Variants in SYN3 observed in about 807,000 individuals in gnomAD.
SYN3 encodes the protein synapsin III, also known as synapsin-3.
SYN3 carries 35 observed loss-of-function variants against 65.8 expected under a neutral mutation model. That is an observed-to-expected ratio of 0.53 (90% CI 0.41 to 0.70). SYN3 has a LOEUF of 0.70. Among genes scored for constraint, SYN3 ranks in the 30% least tolerant of loss-of-function variants. SYN3 has a pLI of 0.00. For missense variants in SYN3, 680 were observed against 749.0 expected (o/e 0.91, Z 1.08); for synonymous variants, 270 against 292.9 (o/e 0.92, Z 0.80).
At chr22:32,524,037 G>A (rs2057934551) in intron 12 of SYN3, among the ~76,000 whole-genome samples, 1 of 152,244 alleles carries the variant, frequency 6.6e-6, no homozygotes, top group South Asian at 2.1e-4. Flanking sequence ...TATGAAGGCT[G>A]AGAGAGGTGA....
At chr22:32,698,581 T>C (rs982858561) in intron 6 of SYN3, among the ~76,000 whole-genome samples, 4 of 152,212 alleles carry the variant, frequency 2.6e-5, no homozygotes, top group African/African-American at 9.7e-5. Flanking sequence ...AGCTAGTGTT[T>C]TATAAATAAT....
intron 1 of SYN3, among the ~76,000 whole-genome samples, chr22:33,030,924 T>C (rs1209883223): frequency 6.6e-6 from 1 of 150,934 alleles, no homozygotes; most frequent in Non-Finnish European, 1.5e-5. Flanking sequence ...CAGACAAAGA[T>C]ATATAGAGAT....
intron 6 of SYN3, among the ~76,000 whole-genome samples, chr22:32,798,588 C>T (rs2046484263): frequency 6.6e-6 from 1 of 151,714 alleles, no homozygotes; most frequent in Admixed American, 6.6e-5. Context: ...GTAGACAGGC[C>T]AGATAGATCT....
intron 1 of SYN3, among the ~76,000 whole-genome samples, chr22:33,018,480 T>C (rs1321847063): frequency 1.3e-5 from 2 of 152,100 alleles, no homozygotes; most frequent in Non-Finnish European, 2.9e-5. Flanking sequence ...AAAGAGACTT[T>C]ATAAGGCAAG....
At chr22:32,995,871 C>T (rs897575503) in intron 2 of SYN3, among the ~76,000 whole-genome samples, 3 of 152,094 alleles carry the variant, frequency 2.0e-5, no homozygotes, top group Admixed American at 1.3e-4. Flanking sequence ...CCATGTTGGC[C>T]AGGATGGTCT....
At chr22:32,895,135 G>A (rs1267200124) in intron 4 of SYN3, among the ~76,000 whole-genome samples, 5 of 152,218 alleles carry the variant, frequency 3.3e-5, no homozygotes, top group Admixed American at 3.3e-4. Flanking sequence ...GGATTAGGCA[G>A]GCACCAAGGA....
At chr22:32,709,224 A>G (rs909768609) in intron 6 of SYN3, among the ~76,000 whole-genome samples, 11 of 152,178 alleles carry the variant, frequency 7.2e-5, no homozygotes, top group African/African-American at 2.7e-4. Flanking sequence ...CAGGCTCCAA[A>G]ATCTCTCTCT....
chr22:32,814,135 T>A (rs57463389), intron 6 of SYN3, among the ~76,000 whole-genome samples: 299 of 72,046 alleles, frequency 4.2e-3, no homozygotes, highest in African/African-American at 9.7e-3. Flanking sequence ...TGTGTGTGTG[T>A]GTGTGTGAGA....
intron 7 of SYN3, among the ~76,000 whole-genome samples, chr22:32,573,128 G>A (rs2058802129): frequency 1.3e-5 from 2 of 152,082 alleles, no homozygotes; most frequent in Admixed American, 6.5e-5. Flanking sequence ...GTTCCCCCCT[G>A]TTTTCCCCAG....
chr22:32,774,979 C>A (rs1167570072), intron 6 of SYN3, among the ~76,000 whole-genome samples: 1 of 152,192 alleles, frequency 6.6e-6, no homozygotes, highest in Non-Finnish European at 1.5e-5. Flanking sequence ...AAATGCCAAT[C>A]CTGAAGAAGG....
Position 32,960,259 on chromosome 22 carries a change from T to C in SYN3, c.369+20386A>G, listed in dbSNP as rs571014032. ...ACGCAGGCTCAACCTCCTCTATATA[T>C]GGGGCTGTCACACTGCAGGGCACTG... is the stretch of plus-strand genomic sequence containing the variant. On this transcript the variant is annotated intron_variant, in intron 3 of 13. Transcript: ENST00000358763. Among the ~76,000 whole-genome samples, 3 of 152,242 alleles carry C rather than the reference T, an allele frequency of 2.0e-5. No homozygotes were observed. The East Asian group carries it at 5.8e-4, about 29-fold the overall frequency.
At chr22:32,931,551 T>G in intron 3 of SYN3, 70 bp from the exon 4 acceptor site, 1 of 1,082,572 alleles carries the variant, frequency 9.2e-7, no homozygotes. Flanking sequence ...TAACACATAT[T>G]GGGTACTTAG....
At chr22:32,923,673 C>T (rs1231737155) in intron 4 of SYN3, among the ~76,000 whole-genome samples, 1 of 152,202 alleles carries the variant, frequency 6.6e-6, no homozygotes, top group Non-Finnish European at 1.5e-5. Context: ...GAAGATTCCA[C>T]TGTTTTTATT....
chr22:32,593,031 T>C (rs893575915), intron 7 of SYN3, among the ~76,000 whole-genome samples: 14 of 152,208 alleles, frequency 9.2e-5, no homozygotes, highest in Admixed American at 3.3e-4. Context: ...TCTCTTTGCT[T>C]GTCTCCAGGA....
intron 2 of SYN3, among the ~76,000 whole-genome samples, chr22:32,981,307 C>T (rs542588287): frequency 3.3e-5 from 5 of 150,888 alleles, no homozygotes; most frequent in South Asian, 2.1e-4. Flanking sequence ...TGCTACAGGC[C>T]GGGCGCTGTG....
intron 6 of SYN3, among the ~76,000 whole-genome samples, chr22:32,712,276 G>C (rs2060976207): frequency 6.6e-6 from 1 of 152,148 alleles, no homozygotes; most frequent in Non-Finnish European, 1.5e-5. Context: ...TGTGGCTTCT[G>C]CTTCATGCAC....
chr22:32,643,480 A>G (rs1440396378), intron 6 of SYN3, among the ~76,000 whole-genome samples: 1 of 148,022 alleles, frequency 6.8e-6, no homozygotes, highest in Admixed American at 6.8e-5. Flanking sequence ...CTTCTGCCAA[A>G]AGCCCAGAGA....
At chr22:32,805,959 T>C (rs2046723251) in intron 6 of SYN3, among the ~76,000 whole-genome samples, 1 of 151,960 alleles carries the variant, frequency 6.6e-6, no homozygotes, top group African/African-American at 2.4e-5. Context: ...ATTATTATTC[T>C]AGTGTATCAT....
At chr22:32,604,945 G>T (rs1340040354) in intron 6 of SYN3, among the ~76,000 whole-genome samples, 1 of 149,030 alleles carries the variant, frequency 6.7e-6, no homozygotes. Context: ...GGTGGAGCTT[G>T]CAGTGAGCCG....
Sources: gnomAD v4.1 joint callset for allele counts (sites outside exome capture counted in the v4.1 genomes callset) on GRCh38, gnomAD v4.1.1 for gene constraint, MANE v1.5 for transcripts, NCBI Gene and HGNC (gene_info 2026-07-23, HGNC 2026-07-21) for gene names.